DSCAM: variants seen among roughly 807,000 people sequenced by gnomAD.
DSCAM encodes DS cell adhesion molecule.
A neutral mutation model predicts 217.7 loss-of-function variants in DSCAM; 47 were observed. That is an observed-to-expected ratio of 0.22 (90% CI 0.17 to 0.28). The LOEUF is 0.28. DSCAM is among the 10% of genes least tolerant of loss of function. The pLI is 1.00. For missense variants in DSCAM, 2,080 were observed against 2,618.3 expected (o/e 0.79, Z 4.49); for synonymous variants, 1,056 against 1,015.3 (o/e 1.04, Z -0.76).
At chr21:40,842,646 T>C (rs1427960720) in intron 1 of DSCAM, among the ~76,000 whole-genome samples, 1 of 152,192 alleles carries the variant, frequency 6.6e-6, no homozygotes, top group Admixed American at 6.5e-5. Context: ...AAATACTCCG[T>C]GCACCTTACT....
intron 1 of DSCAM, among the ~76,000 whole-genome samples, chr21:40,754,763 C>T (rs6517610): frequency 0.28 from 43,145 of 152,102 alleles, 7,105 homozygotes; most frequent in East Asian, 0.39. Flanking sequence ...GCAACACCAC[C>T]GCTCATTTTT....
At chr21:40,023,460 G>T (rs2088314652) in intron 32 of DSCAM, among the ~76,000 whole-genome samples, 1 of 150,072 alleles carries the variant, frequency 6.7e-6, no homozygotes, top group Non-Finnish European at 1.5e-5. Flanking sequence ...TTCCACAATG[G>T]TTGAACTAGT....
At chr21:40,416,012 T>C (rs2222976) in intron 3 of DSCAM, among the ~76,000 whole-genome samples, 101,529 of 152,080 alleles carry the variant, frequency 0.67, 34,008 homozygotes, top group Middle Eastern at 0.76. Context: ...GCAAAAGAGG[T>C]TATTTGCAAT....
At chr21:40,674,695 C>T (rs966074552) in intron 3 of DSCAM, among the ~76,000 whole-genome samples, 1 of 142,920 alleles carries the variant, frequency 7.0e-6, no homozygotes, top group Non-Finnish European at 1.5e-5. Flanking sequence ...TGCAGTGGCG[C>T]GATCTCGGCT....
chr21:40,111,012 T>A (rs112046447), intron 20 of DSCAM, among the ~76,000 whole-genome samples: 2 of 152,122 alleles, frequency 1.3e-5, no homozygotes, highest in Non-Finnish European at 2.9e-5. Context: ...TCCAGGAGAA[T>A]TTCCCCAATC....
intron 3 of DSCAM, among the ~76,000 whole-genome samples, chr21:40,602,479 AATT>A (rs1268600086): frequency 6.6e-6 from 1 of 152,098 alleles, no homozygotes; most frequent in Non-Finnish European, 1.5e-5. Context: ...GAAGGTTATT[AATT>A]ATTGAGTCAA....
chr21:40,317,515 C>T (rs2074210997), intron 8 of DSCAM, among the ~76,000 whole-genome samples: 2 of 151,220 alleles, frequency 1.3e-5, no homozygotes, highest in East Asian at 1.9e-4. Flanking sequence ...GTGTCCTGTT[C>T]TTTTTTTTTC....
At chr21:40,457,634 T>C (rs1484353975) in intron 3 of DSCAM, among the ~76,000 whole-genome samples, 3 of 152,024 alleles carry the variant, frequency 2.0e-5, no homozygotes, top group Non-Finnish European at 4.4e-5. Context: ...TTTCATATTA[T>C]GAAAAGAAAT....
At chr21:40,644,780 T>G (rs1568959305) in intron 3 of DSCAM, among the ~76,000 whole-genome samples, 1 of 152,202 alleles carries the variant, frequency 6.6e-6, no homozygotes, top group South Asian at 2.1e-4. Flanking sequence ...CCTTGTTGCA[T>G]TTTTTGTGGA....
intron 3 of DSCAM, among the ~76,000 whole-genome samples, chr21:40,420,109 T>C (rs920918573): frequency 7.2e-5 from 11 of 152,166 alleles, no homozygotes; most frequent in African/African-American, 2.4e-4. Flanking sequence ...TTGTGATAGC[T>C]TTGTAGCTCA....
intron 3 of DSCAM, among the ~76,000 whole-genome samples, chr21:40,638,228 C>T (rs188924279): frequency 1.1e-4 from 17 of 152,226 alleles, no homozygotes; most frequent in East Asian, 9.7e-4. Flanking sequence ...CTGCTGTGTA[C>T]GTCAGGTGTT....
chr21:40,492,014 T>C (rs973978771), intron 3 of DSCAM, among the ~76,000 whole-genome samples: 1 of 152,176 alleles, frequency 6.6e-6, no homozygotes, highest in East Asian at 1.9e-4. Context: ...AGAAATCCCA[T>C]AAAGGAAAAC....
In DSCAM at chr21:40,276,289, G is replaced by C; in HGVS notation, c.2183-19C>G. The C allele has an allele frequency of 6.4e-7, 1 of 1,572,762 alleles. No homozygotes were observed. Among genetic ancestry groups the C allele is most frequent in the Non-Finnish European group, 8.6e-7 (1 of 1,161,088 alleles). On this transcript the variant is annotated intron_variant, in intron 10 of 32. Coordinates refer to ENST00000400454, the MANE Select transcript of DSCAM (RefSeq NM_001389.5). ...CCAGCACCTGAGACAGAAAAAGAAAGACGAGCAATGATGCAAACGAGAGTA... is the reference window on the plus strand; with the variant it reads ...CCAGCACCTGAGACAGAAAAAGAAACACGAGCAATGATGCAAACGAGAGTA...
At chr21:40,535,007 G>A (rs1290607545) in intron 3 of DSCAM, among the ~76,000 whole-genome samples, 1 of 152,034 alleles carries the variant, frequency 6.6e-6, no homozygotes, top group Admixed American at 6.6e-5. Context: ...GGTCTGACTT[G>A]GTTCCCCAAG....
intron 3 of DSCAM, among the ~76,000 whole-genome samples, chr21:40,608,493 AC>A (rs1008804019): frequency 3.3e-5 from 5 of 152,166 alleles, no homozygotes; most frequent in African/African-American, 1.2e-4. Flanking sequence ...CTCAAAATAA[AC>A]TGTTTTGTGC....
At chr21:40,788,162 G>A (rs746030043) in intron 1 of DSCAM, among the ~76,000 whole-genome samples, 3 of 152,188 alleles carry the variant, frequency 2.0e-5, no homozygotes, top group African/African-American at 7.2e-5. Flanking sequence ...TGAAATGAAT[G>A]CATGTTATTC....
Position 40,708,563 on chromosome 21 carries a change from G to C in DSCAM, c.252C>G (p.Phe84Leu). 6.2e-7 allele frequency: 1 copy of C among 1,602,976 alleles called. No homozygotes were observed. Among genetic ancestry groups the C allele is most frequent in the Non-Finnish European group, 8.5e-7 (1 of 1,173,424 alleles). ...HVHPNGTLQI[F>L]PFPPSSFSTL... is the part of the protein sequence containing the mutation. ...TACTGAAGCTTGAAGGAGGGAAGGG[G>C]AAAATTTGGAGAGTGCCGTTGGGGT... is the stretch of plus-strand genomic sequence containing the variant. The change falls in exon 2 of 33, where the codon TTC becomes TTG. Residue 84 changes from phenylalanine (F) to leucine (L), a missense_variant. Phe to Leu is a conservative substitution (Grantham distance 22). This residue lies in a region of DSCAM where 568 missense variants were observed against 678.1 expected (regional missense o/e 0.84). Transcript: ENST00000400454.
chr21:40,681,392 G>A (rs904609875), intron 3 of DSCAM, among the ~76,000 whole-genome samples: 2 of 152,328 alleles, frequency 1.3e-5, no homozygotes, highest in East Asian at 1.9e-4. Context: ...TGGCGCCGCC[G>A]GGGACAGGGC....
At chr21:40,773,140 C>A (rs573908485) in intron 1 of DSCAM, among the ~76,000 whole-genome samples, 1 of 152,342 alleles carries the variant, frequency 6.6e-6, no homozygotes, top group East Asian at 1.9e-4. Flanking sequence ...CTTGTTCAAC[C>A]AATCCTTCAT....
Sources: allele counts gnomAD v4.1 joint callset (sites outside exome capture counted in the v4.1 genomes callset), GRCh38; gene constraint gnomAD v4.1.1; regional missense constraint gnomAD v4.1.1; transcripts MANE v1.5; gene names NCBI Gene and HGNC (gene_info 2026-07-23, HGNC 2026-07-21).